The following ERICH6 variants were observed in gnomAD, a reference collection of about 807,000 sequenced individuals.
The protein encoded by ERICH6 is glutamate rich 6.
ERICH6 carries 71 observed loss-of-function variants against 71.0 expected under a neutral mutation model. The observed-to-expected ratio is 1.00, with a 90% CI of 0.83 to 1.22. The LOEUF (loss-of-function observed/expected upper bound fraction) is 1.22. ERICH6 is among the 50% of genes most tolerant of loss of function. The pLI, the probability that ERICH6 is intolerant of heterozygous loss-of-function variation, is 0.00. For synonymous variants in ERICH6, 262 were observed against 278.4 expected, an observed-to-expected ratio of 0.94 and a Z score of 0.59; for missense variants, 808 against 797.2, an observed-to-expected ratio of 1.01 and a Z score of -0.16.
At chr3:150,698,194 C>T (rs1365429533) in intron 3 of ERICH6, among the ~76,000 whole-genome samples, 3 of 147,700 alleles carry the variant, frequency 2.0e-5, no homozygotes, top group Non-Finnish European at 4.4e-5. Flanking sequence ...GTTGCCATCA[C>T]CTTCACTTCC....
At chr3:150,661,581 A>G (rs1727225835) in intron 13 of ERICH6, among the ~76,000 whole-genome samples, 1 of 152,376 alleles carries the variant, frequency 6.6e-6, no homozygotes, top group Non-Finnish European at 1.5e-5. Context: ...ATCCATATTT[A>G]TATAGTTAAT....
chr3:150,674,535 CTCT>C (rs1711578984), intron 10 of ERICH6, among the ~76,000 whole-genome samples: 2 of 152,250 alleles, frequency 1.3e-5, no homozygotes, highest in Admixed American at 6.5e-5. Context: ...TTTCCTCAGC[CTCT>C]TCTTCTTCAA....
intron 3 of ERICH6, among the ~76,000 whole-genome samples, chr3:150,688,240 T>C (rs139654687): frequency 1.6e-4 from 25 of 152,290 alleles, no homozygotes; most frequent in African/African-American, 5.5e-4. Context: ...TCTTTCTCTA[T>C]AGAAATGCCA....
Position 150,678,401 on chromosome 3 carries a change from T to C in ERICH6, c.1257+8A>G, listed in dbSNP as rs1711744633. The stretch of plus-strand genomic sequence containing the variant: ...AAATAGCAAGTAAAAAAATTACAAG[T>C]TCATTACCTTTCCACATGCTATCCG... On this transcript the variant is annotated splice_region_variant and intron_variant, in intron 10 of 13. Transcript: ENST00000295910. The C allele has an allele frequency of 6.4e-7, 1 of 1,552,314 alleles. No individual in the cohort carries two copies. Among genetic ancestry groups the C allele is most frequent in the Non-Finnish European group, 8.6e-7 (1 of 1,158,148 alleles).
In ERICH6 at chr3:150,669,290, G is replaced by C; in HGVS notation, c.1499+6C>G. ...AAATGGCAGCAGCAGGAACCTAGAA[G>C]CTTACCAGACATTTCCATTGGGATG... On this transcript the variant is annotated splice_donor_region_variant and intron_variant, in intron 12 of 13. Transcript: ENST00000295910. The C allele has an allele frequency of 6.3e-7, 1 of 1,590,302 alleles. No homozygotes were observed. The highest frequency in any genetic ancestry group is 1.2e-5 in the South Asian group (1 of 86,002).
intron 13 of ERICH6, among the ~76,000 whole-genome samples, chr3:150,665,010 G>C (rs1727355746): frequency 6.6e-6 from 1 of 151,974 alleles, no homozygotes; most frequent in Non-Finnish European, 1.5e-5. Flanking sequence ...GTGGGGGAAG[G>C]AAGTAGAGGG....
Position 150,669,469 on chromosome 3 carries a change from C to T in ERICH6, c.1344-18G>A, listed in dbSNP as rs953107930. On this transcript the variant is annotated intron_variant, in intron 11 of 13. Coordinates refer to ENST00000295910, the MANE Select transcript of ERICH6 (RefSeq NM_152394.5). ...ATGGATAGCTGAGATCAGATAAGGT[C>T]ATATAAATTGTTCTAATGCTCCTTG... The T allele has an allele frequency of 1.2e-6, 2 of 1,609,444 alleles. No individual in the cohort carries two copies. The highest frequency in any genetic ancestry group is 2.7e-5 in the African/African-American group (2 of 74,656).
chr3:150,703,478 G>T lies in ERICH6; in HGVS notation c.403+18C>A. The T allele has an allele frequency of 6.4e-7, 1 of 1,556,638 alleles. No individual in the cohort carries two copies. Among genetic ancestry groups the T allele is most frequent in the Non-Finnish European group, 8.7e-7 (1 of 1,152,034 alleles). On this transcript the variant is annotated intron_variant, in intron 1 of 13. Transcript: ENST00000295910. ...GAGACGAGAAACCCTCGAGGAAGGG[G>T]TGGGTCGGGGGCGGTACTTTTATGC...
At position 150,680,679 on chromosome 3, in the gene ERICH6, A is replaced by C. The variant is rs1249483772; in HGVS notation, c.1040+94T>G. Reference sequence around the variant, plus strand: ...TGTGAATCTAGGAAATACATCTTCAAAGTTATATATCTTGAAAAAATGAGG... The same window carrying C: ...TGTGAATCTAGGAAATACATCTTCACAGTTATATATCTTGAAAAAATGAGG... On this transcript the variant is annotated intron_variant, in intron 8 of 13. Transcript: ENST00000295910. 6.4e-6 allele frequency: 10 copies of C among 1,558,470 alleles called. No homozygotes were observed. The African/African-American group carries it at 1.2e-4, about 19-fold the overall frequency.
intron 2 of ERICH6, among the ~76,000 whole-genome samples, chr3:150,700,787 T>C (rs1056162354): frequency 4.6e-5 from 7 of 152,164 alleles, no homozygotes; most frequent in African/African-American, 7.2e-5. Flanking sequence ...CTTCACTATG[T>C]TGGCCAGGCT....
At chr3:150,703,306 C>T (rs1169782089) in intron 1 of ERICH6, among the ~76,000 whole-genome samples, 190 bp downstream of exon 1, 1 of 151,944 alleles carries the variant, frequency 6.6e-6, no homozygotes, top group African/African-American at 2.4e-5. Context: ...CGTGCCTCAT[C>T]ACAACAGCTC....
At chr3:150,689,237 A>AT (rs35942063) in intron 3 of ERICH6, among the ~76,000 whole-genome samples, 62,634 of 151,912 alleles carry the variant, frequency 0.41, 14,972 homozygotes, top group Non-Finnish European at 0.52. Flanking sequence ...CAAGGAAGTC[A>AT]TTTTTTTCCT....
At chr3:150,672,614 C>A (rs1183217381) in intron 11 of ERICH6, among the ~76,000 whole-genome samples, 1 of 151,164 alleles carries the variant, frequency 6.6e-6, no homozygotes, top group Admixed American at 6.6e-5. Context: ...CAAACAAAAA[C>A]CATATATTTT....
chr3:150,660,972 G>A (rs937138900), intron 13 of ERICH6, among the ~76,000 whole-genome samples: 4 of 152,162 alleles, frequency 2.6e-5, no homozygotes, highest in Non-Finnish European at 5.9e-5. Flanking sequence ...AAATAACAAA[G>A]AATAGTTCAG....
In ERICH6 at chr3:150,684,308, G is replaced by C. The variant is rs141749549; in HGVS notation, c.783+1434C>G. Among the ~76,000 whole-genome samples the C allele has an allele frequency of 2.0e-5, 3 of 152,268 alleles. No homozygotes were observed. The East Asian group carries it at 5.8e-4, about 29-fold the overall frequency. On this transcript the variant is annotated intron_variant, in intron 6 of 13. Transcript: ENST00000295910. ...GTTTAGAAACCTGGGTAAATATAAA[G>C]AGTAAATGTTTATAGATATTATATT...
At chr3:150,672,143 G>T (rs377365632) in intron 11 of ERICH6, among the ~76,000 whole-genome samples, 10 of 150,876 alleles carry the variant, frequency 6.6e-5, no homozygotes, top group African/African-American at 2.4e-4. Context: ...TGGTTTTTTG[G>T]GGAAAAAATG....
intron 2 of ERICH6, 120 bp from the exon 3 acceptor site, chr3:150,699,002 A>G: frequency 1.5e-6 from 1 of 675,406 alleles, no homozygotes; most frequent in Non-Finnish European, 2.5e-6. Flanking sequence ...TTTTCTTTGA[A>G]ATATTTTCTT....
At chr3:150,702,892 G>GTC (rs1712958632) in intron 1 of ERICH6, among the ~76,000 whole-genome samples, 1 of 116,746 alleles carries the variant, frequency 8.6e-6, no homozygotes, top group Non-Finnish European at 1.6e-5. Flanking sequence ...TAATATGAGT[G>GTC]TGTGTGTGTG....
intron 12 of ERICH6, among the ~76,000 whole-genome samples, chr3:150,668,833 T>A (rs1338210215): frequency 6.6e-6 from 1 of 152,210 alleles, no homozygotes. Context: ...TGTATGTTAC[T>A]CTTCTTGCTT....
Sources: gnomAD v4.1 joint callset for allele counts (sites outside exome capture counted in the v4.1 genomes callset) on GRCh38, gnomAD v4.1.1 for gene constraint, MANE v1.5 for transcripts, NCBI Gene and HGNC (gene_info 2026-07-23, HGNC 2026-07-21) for gene names.